BEND2: variants seen among roughly 807,000 people sequenced by gnomAD.
The protein encoded by BEND2 is BEN domain-containing protein 2.
In BEND2, 19 loss-of-function variants were observed where a neutral mutation model predicts 43.8. That is an observed-to-expected ratio of 0.43 (90% confidence interval 0.30 to 0.64). The LOEUF (loss-of-function observed/expected upper bound fraction) is 0.64, where lower values mean the gene tolerates loss of function less well. BEND2 is among the 30% of genes least tolerant of loss of function. BEND2 has a pLI of 0.11. For synonymous variants in BEND2, 226 were observed against 210.1 expected, an observed-to-expected ratio of 1.08 and a Z score of -0.66; for missense variants, 544 against 574.0, an observed-to-expected ratio of 0.95 and a Z score of 0.53.
rs567001667 is a variant in BEND2, at chrX:18,176,175, C to G, written c.1631-82G>C. ...AAAAATTTTTTTCTTTAAACACTGACTTTTAGATGGTTACATTGTGTAATG... is the reference window on the plus strand; with the variant it reads ...AAAAATTTTTTTCTTTAAACACTGAGTTTTAGATGGTTACATTGTGTAATG... On this transcript the variant is annotated intron_variant, in intron 10 of 13. Coordinates refer to ENST00000380033, the MANE Select transcript of BEND2 (RefSeq NM_153346.5). 1,931 of 898,482 alleles carry G rather than the reference C, an allele frequency of 2.1e-3. 5 individuals carry two copies. Among genetic ancestry groups the G allele is most frequent in the Middle Eastern group, 3.0e-3 (9 of 3,027 alleles). 74.0% of individuals were successfully genotyped at this position (898,482 alleles called of 1,213,427 possible). A position where few individuals can be genotyped will look rare whatever the true frequency, so the allele number is the denominator to read the frequency against.
chrX:18,170,230 G>C (rs1247254981), intron 13 of BEND2, among the ~76,000 whole-genome samples: 9 of 111,846 alleles, frequency 8.0e-5, no homozygotes, highest in Non-Finnish European at 9.4e-5. Context: ...TGAAATTTTT[G>C]CTTTGGTTTT....
At chrX:18,192,857 G>A (rs1924816302) in intron 7 of BEND2, among the ~76,000 whole-genome samples, 1 of 111,900 alleles carries the variant, frequency 8.9e-6, no homozygotes, top group South Asian at 3.7e-4. Context: ...AGAGCAAGAT[G>A]GGCCGGGCGT....
At chrX:18,208,359 T>C (rs5955947) in intron 4 of BEND2, among the ~76,000 whole-genome samples, 24,224 of 108,305 alleles carry the variant, frequency 0.22, 2,248 homozygotes, top group East Asian at 0.34. Context: ...TGGTGGCACG[T>C]GCCTGTAGTC....
chrX:18,192,896 T>TG (rs1349155798), intron 7 of BEND2, among the ~76,000 whole-genome samples: 1 of 111,913 alleles, frequency 8.9e-6, no homozygotes, highest in Non-Finnish European at 1.9e-5. Flanking sequence ...TCCCAGCACT[T>TG]TAGGAGGCCA....
intron 5 of BEND2, among the ~76,000 whole-genome samples, chrX:18,202,691 A>C (rs1004958419): frequency 1.8e-5 from 2 of 112,122 alleles, no homozygotes; most frequent in Non-Finnish European, 3.8e-5. Flanking sequence ...ATAGTAACAC[A>C]AACAGACCAA....
rs954236643 is a variant in BEND2 at position 18,212,513 on chromosome X, T to G, written c.492+52A>C. The stretch of plus-strand genomic sequence containing the variant: ...TTTTTTAAAAAGAAATACAGCAGAA[T>G]GAAAAGAACAAAGAGAGATTTTCAC... On this transcript the variant is annotated intron_variant, in intron 4 of 13. Coordinates refer to ENST00000380033, the MANE Select transcript of BEND2 (RefSeq NM_153346.5). 9 of 893,687 alleles carry G rather than the reference T, an allele frequency of 1.0e-5. No individual in the cohort carries two copies. In the African/African-American group the frequency reaches 1.4e-4, roughly 14 times the overall value. 73.6% of individuals were successfully genotyped at this position (893,687 alleles called of 1,213,427 possible).
At chrX:18,204,859 CT>C (rs1323898449) in intron 4 of BEND2, among the ~76,000 whole-genome samples, 1 of 111,846 alleles carries the variant, frequency 8.9e-6, no homozygotes, top group East Asian at 2.8e-4. Flanking sequence ...ATCCTCAAAT[CT>C]GCTAAAAGAC....
At position 18,162,948 on chromosome X, in the gene BEND2, T is replaced by C. The variant is rs1056950361; in HGVS notation, c.*2061A>G. 1 of 112,299 alleles carries C rather than the reference T, an allele frequency of 8.9e-6. No individual in the cohort carries two copies. Among genetic ancestry groups the C allele is most frequent in the Non-Finnish European group, 1.9e-5 (1 of 53,207 alleles). The allele number at this position is 112,299 out of a possible 1,213,427, so 9.3% of individuals were successfully genotyped here. A position where few individuals can be genotyped will look rare whatever the true frequency, so the allele number is the denominator to read the frequency against. ...CATCTGTATTAAGGCATTTTAAATGTTTATTTATTGTATCTATTTGGGAAA... is the reference window on the plus strand; with the variant it reads ...CATCTGTATTAAGGCATTTTAAATGCTTATTTATTGTATCTATTTGGGAAA... On this transcript the variant is annotated 3_prime_UTR_variant, in exon 14 of 14. Transcript: ENST00000380033.
At chrX:18,165,441 C>A (rs1336107819) in intron 13 of BEND2, among the ~76,000 whole-genome samples, 2 of 111,917 alleles carry the variant, frequency 1.8e-5, no homozygotes, top group African/African-American at 6.5e-5. Context: ...CACAATAAAG[C>A]AACAATCTCC....
chrX:18,219,274 C>G lies in BEND2; in HGVS notation c.25+1452G>C, dbSNP rs112450983. ...TTTAGTCAACCTGAAGCCAGTTTGC[C>G]GCACTCGGGGAGAGCCGGGAGGGAC... On this transcript the variant is annotated intron_variant, in intron 1 of 13. Transcript: ENST00000380033. 9.0e-3 allele frequency among the ~76,000 whole-genome samples: 1,014 copies of G among 112,437 alleles called. 10 individuals are homozygous for G. Among genetic ancestry groups the G allele is most frequent in the African/African-American group, 0.031 (974 of 31,011 alleles).
chrX:18,187,204 G>A (rs920829941), intron 8 of BEND2, among the ~76,000 whole-genome samples: 1 of 111,218 alleles, frequency 9.0e-6, no homozygotes, highest in South Asian at 3.8e-4. Context: ...AGATAGAGTG[G>A]CTGAATGGAT....
intron 11 of BEND2, among the ~76,000 whole-genome samples, chrX:18,174,577 GA>G (rs748108448): frequency 8.9e-6 from 1 of 111,760 alleles, no homozygotes; most frequent in Middle Eastern, 4.2e-3. Context: ...GTTTCTTGGG[GA>G]TGACCACTTT....
intron 8 of BEND2, among the ~76,000 whole-genome samples, chrX:18,188,417 A>G (rs1365032848): frequency 9.0e-6 from 1 of 111,473 alleles, no homozygotes; most frequent in East Asian, 2.8e-4. Flanking sequence ...AAATCCAAAT[A>G]AATAAAACCA....
intron 12 of BEND2, 56 bp downstream of exon 12, chrX:18,173,974 T>G (rs1201066959): frequency 1.0e-4 from 106 of 1,031,258 alleles, no homozygotes; most frequent in Non-Finnish European, 1.3e-4. Context: ...ATCACTCAGA[T>G]TCAACATTTA....
intron 9 of BEND2, among the ~76,000 whole-genome samples, chrX:18,178,242 T>G (rs1924250794): frequency 8.9e-6 from 1 of 111,989 alleles, no homozygotes; most frequent in African/African-American, 3.2e-5. Flanking sequence ...CTAGCATTTA[T>G]CAGTAGTTCC....
At position 18,173,966 on chromosome X, in the gene BEND2, C is replaced by T; in HGVS notation, c.1981+64G>A. 4 of 953,449 alleles carry T rather than the reference C, an allele frequency of 4.2e-6. No individual in the cohort carries two copies. The South Asian group carries it at 6.9e-5, about 17-fold the overall frequency. The allele number at this position is 953,449 out of a possible 1,213,427, so 78.6% of individuals were successfully genotyped here. The stretch of plus-strand genomic sequence containing the variant: ...AGTACAATGAACCCCATAAATGCAT[C>T]ACTCAGATTCAACATTTATCAGCAA... On this transcript the variant is annotated intron_variant, in intron 12 of 13. Transcript: ENST00000380033.
At chrX:18,186,392 A>T (rs1209762304) in intron 8 of BEND2, among the ~76,000 whole-genome samples, 1 of 100,312 alleles carries the variant, frequency 1.0e-5, no homozygotes, top group Non-Finnish European at 2.0e-5. Flanking sequence ...CAGGAGGCAG[A>T]GGTTGCAGTG....
intron 8 of BEND2, among the ~76,000 whole-genome samples, chrX:18,181,750 C>T (rs907109135): frequency 9.0e-6 from 1 of 111,206 alleles, no homozygotes; most frequent in Non-Finnish European, 1.9e-5. Flanking sequence ...GAAAACTGCA[C>T]AAATCAATAT....
chrX:18,207,876 G>C (rs747651094), intron 4 of BEND2, among the ~76,000 whole-genome samples: 1 of 111,242 alleles, frequency 9.0e-6, no homozygotes, highest in Non-Finnish European at 1.9e-5. Context: ...AAAAGTAGCC[G>C]GGTGTGGTGG....
Sources: allele counts gnomAD v4.1 joint callset (sites outside exome capture counted in the v4.1 genomes callset), GRCh38; gene constraint gnomAD v4.1.1; transcripts MANE v1.5; gene names NCBI Gene and HGNC (gene_info 2026-07-23, HGNC 2026-07-21).